The following PPP1R9A variants were observed in gnomAD, a reference collection of about 807,000 sequenced individuals.
PPP1R9A encodes the protein neurabin-1.
PPP1R9A carries 59 observed loss-of-function variants against 141.9 expected under a neutral mutation model. The observed-to-expected ratio is 0.42, with a 90% CI of 0.34 to 0.52. The LOEUF is 0.52. Ranked by LOEUF, PPP1R9A falls within the 20% of genes least tolerant of loss-of-function variation. The probability of loss-of-function intolerance (pLI) is 0.10; values close to 1 mark genes in which losing one functional copy is unlikely to be tolerated. For synonymous variants in PPP1R9A, 500 were observed against 569.7 expected (o/e 0.88, Z 1.74); for missense variants, 1,444 against 1,611.9 (o/e 0.90, Z 1.78).
chr7:95,217,843 T>A (rs1321781423), intron 7 of PPP1R9A, among the ~76,000 whole-genome samples: 2 of 139,970 alleles, frequency 1.4e-5, no homozygotes, highest in African/African-American at 2.5e-5. Flanking sequence ...TAATTGCATC[T>A]ATTTGATTCT....
At chr7:94,917,663 C>A (rs942603600) in intron 2 of PPP1R9A, among the ~76,000 whole-genome samples, 2 of 151,898 alleles carry the variant, frequency 1.3e-5, no homozygotes, top group African/African-American at 4.8e-5. Flanking sequence ...CTGCCTTGGC[C>A]TCCCGAAGTG....
chr7:95,276,338 T>A lies in PPP1R9A; in HGVS notation c.3296+2170T>A, dbSNP rs1307740670. On this transcript the variant is annotated intron_variant, in intron 16 of 19. Coordinates refer to ENST00000433360, the MANE Select transcript of PPP1R9A (RefSeq NM_001166160.2). Reference sequence around the variant, plus strand: ...TCACAAATGAAAGTCAAGCCAATCTTGATTGTGTTGGTGAGTGCCTGCCCA... The same window carrying A: ...TCACAAATGAAAGTCAAGCCAATCTAGATTGTGTTGGTGAGTGCCTGCCCA... Among the ~76,000 whole-genome samples, 4 of 152,172 alleles carry A rather than the reference T, an allele frequency of 2.6e-5. No individual in the cohort carries two copies. The East Asian group carries it at 7.7e-4, about 29-fold the overall frequency.
intron 2 of PPP1R9A, among the ~76,000 whole-genome samples, chr7:95,020,303 T>C (rs1241857559): frequency 6.6e-6 from 1 of 152,054 alleles, no homozygotes; most frequent in Non-Finnish European, 1.5e-5. Context: ...AGGTCAGAAA[T>C]CATCAAATTG....
At chr7:95,209,988 G>A (rs763522625) in intron 7 of PPP1R9A, among the ~76,000 whole-genome samples, 2 of 152,106 alleles carry the variant, frequency 1.3e-5, no homozygotes, top group Non-Finnish European at 2.9e-5. Context: ...GAAACTCAAG[G>A]AAGACTGCCA....
chr7:95,151,339 A>G (rs767466795), intron 4 of PPP1R9A, among the ~76,000 whole-genome samples: 1 of 152,260 alleles, frequency 6.6e-6, no homozygotes, highest in Non-Finnish European at 1.5e-5. Flanking sequence ...GGAAGAATGC[A>G]TATCAGTAAA....
intron 6 of PPP1R9A, among the ~76,000 whole-genome samples, chr7:95,200,440 T>TAA (rs35010828): frequency 5.4e-5 from 8 of 147,114 alleles, no homozygotes; most frequent in South Asian, 4.4e-4. Context: ...TCCTGCTAAT[T>TAA]AAAAAAAAAA....
intron 4 of PPP1R9A, chr7:95,155,995 A>G (rs1252711943): frequency 6.6e-6 from 1 of 152,136 alleles, no homozygotes; most frequent in African/African-American, 2.4e-5. Context: ...CTGGCTGGTG[A>G]TGTCTTTGCC....
At chr7:95,207,007 T>A (rs1003330679) in intron 7 of PPP1R9A, among the ~76,000 whole-genome samples, 3 of 151,956 alleles carry the variant, frequency 2.0e-5, no homozygotes, top group African/African-American at 4.8e-5. Flanking sequence ...GCCAAAAAAA[T>A]TTTTTCTAAC....
At chr7:95,201,151 A>G (rs1249141573) in intron 6 of PPP1R9A, among the ~76,000 whole-genome samples, 2 of 152,232 alleles carry the variant, frequency 1.3e-5, no homozygotes, top group South Asian at 2.1e-4. Context: ...GCAACAGTCC[A>G]TAAGAATCAT....
At chr7:94,921,686 C>G (rs1341019273) in intron 2 of PPP1R9A, among the ~76,000 whole-genome samples, 1 of 152,062 alleles carries the variant, frequency 6.6e-6, no homozygotes, top group African/African-American at 2.4e-5. Context: ...GACACCTTAT[C>G]TACCATTACC....
intron 8 of PPP1R9A, among the ~76,000 whole-genome samples, chr7:95,240,882 T>C (rs1797352622): frequency 6.6e-6 from 1 of 152,184 alleles, no homozygotes. Context: ...TTGCAGTATT[T>C]GTTAATAGAC....
intron 5 of PPP1R9A, among the ~76,000 whole-genome samples, chr7:95,171,486 A>T (rs1470944835): frequency 6.6e-6 from 1 of 151,598 alleles, no homozygotes; most frequent in Non-Finnish European, 1.5e-5. Flanking sequence ...AAGAACAAAG[A>T]CACAAGTTAG....
At chr7:95,177,044 T>G (rs573980314) in intron 5 of PPP1R9A, among the ~76,000 whole-genome samples, 35 of 152,200 alleles carry the variant, frequency 2.3e-4, no homozygotes, top group Admixed American at 1.6e-3. Flanking sequence ...TGCAAAAAGA[T>G]TATCACCCAG....
intron 5 of PPP1R9A, among the ~76,000 whole-genome samples, chr7:95,190,002 C>G (rs1467593737): frequency 3.3e-5 from 5 of 152,090 alleles, no homozygotes; most frequent in African/African-American, 1.2e-4. Flanking sequence ...TCTCTGGTAT[C>G]TACTTGAGTA....
chr7:95,049,879 T>A (rs1810549506), intron 2 of PPP1R9A, among the ~76,000 whole-genome samples: 1 of 152,224 alleles, frequency 6.6e-6, no homozygotes, highest in African/African-American at 2.4e-5. Context: ...TGAATAGTAT[T>A]CCATTTTCTG....
chr7:95,218,912 C>T (rs1297457636), intron 7 of PPP1R9A, among the ~76,000 whole-genome samples: 1 of 152,154 alleles, frequency 6.6e-6, no homozygotes, highest in African/African-American at 2.4e-5. Flanking sequence ...TGGGTCTTGA[C>T]TCTTTATCCA....
intron 8 of PPP1R9A, among the ~76,000 whole-genome samples, chr7:95,236,849 A>T (rs1796747741): frequency 6.6e-6 from 1 of 151,408 alleles, no homozygotes; most frequent in Non-Finnish European, 1.5e-5. Context: ...ACATGTCACA[A>T]TTTTTTACAG....
chr7:94,913,478 A>T (rs189739951), intron 2 of PPP1R9A, among the ~76,000 whole-genome samples: 110 of 152,340 alleles, frequency 7.2e-4, no homozygotes, highest in Non-Finnish European at 1.3e-3. Flanking sequence ...TAGATCAAGC[A>T]TAAGACTTGT....
chr7:95,222,954 T>C (rs1467518315), intron 7 of PPP1R9A, among the ~76,000 whole-genome samples: 1 of 152,070 alleles, frequency 6.6e-6, no homozygotes, highest in African/African-American at 2.4e-5. Context: ...AGTGTAACTT[T>C]TTTATTTCCA....
Sources: allele counts gnomAD v4.1 joint callset (sites outside exome capture counted in the v4.1 genomes callset), GRCh38; gene constraint gnomAD v4.1.1; transcripts MANE v1.5; gene names NCBI Gene and HGNC (gene_info 2026-07-23, HGNC 2026-07-21).